Variants in CHORDC1 observed in about 807,000 individuals in gnomAD.
CHORDC1 encodes cysteine and histidine rich domain containing 1.
Under a neutral mutation model 48.3 loss-of-function variants are expected in CHORDC1, and 25 were observed. The ratio of observed to expected loss-of-function variants is 0.52; its 90% CI spans 0.38 to 0.72. The LOEUF is 0.72. Among genes scored for constraint, CHORDC1 ranks in the 30% least tolerant of loss-of-function variants. The probability of loss-of-function intolerance (pLI) is 0.00; values close to 1 mark genes in which losing one functional copy is unlikely to be tolerated. For missense variants in CHORDC1, 317 were observed against 388.7 expected (o/e 0.82, Z 1.55); for synonymous variants, 128 against 126.4 (o/e 1.01, Z -0.09).
At chr11:90,218,248 A>C in intron 1 of CHORDC1, 64 bp from the exon 2 acceptor site, 1 of 1,202,944 alleles carries the variant, frequency 8.3e-7, no homozygotes, top group Non-Finnish European at 1.2e-6. Flanking sequence ...TATATACATG[A>C]TCATCTCCTT....
chr11:90,202,886 T>C lies in CHORDC1; in HGVS notation c.790-11A>G, dbSNP rs1451477427. The C allele has an allele frequency of 6.3e-6, 10 of 1,581,488 alleles. No individual in the cohort carries two copies. In the East Asian group the frequency reaches 1.6e-4, roughly 25 times the overall value. ...AATATGCACATTTAACTGAAAAAGA[T>C]ATACACAGTTAATTGATCTAATTCA... is the stretch of plus-strand genomic sequence containing the variant. On this transcript the variant is annotated splice_polypyrimidine_tract_variant and intron_variant, in intron 9 of 10. Coordinates refer to ENST00000320585, the MANE Select transcript of CHORDC1 (RefSeq NM_012124.3).
intron 5 of CHORDC1, chr11:90,210,974 T>C (rs1322177252): frequency 6.4e-6 from 2 of 310,598 alleles, no homozygotes; most frequent in Non-Finnish European, 1.2e-5. Flanking sequence ...AAAAAAATAA[T>C]GAACCATAAA....
chr11:90,205,062 AT>A (rs1857640947), intron 8 of CHORDC1, among the ~76,000 whole-genome samples: 1 of 151,958 alleles, frequency 6.6e-6, no homozygotes, highest in Non-Finnish European at 1.5e-5. Context: ...GCATCTGTAA[AT>A]GATTGAAGTT....
At chr11:90,212,192 A>C (rs984061397) in intron 4 of CHORDC1, 7 of 152,102 alleles carry the variant, frequency 4.6e-5, no homozygotes, top group African/African-American at 1.2e-4. Context: ...TAGCTCCCCT[A>C]ATCTCCACAT....
At chr11:90,204,648 G>A (rs1417048706) in intron 8 of CHORDC1, among the ~76,000 whole-genome samples, 1 of 151,980 alleles carries the variant, frequency 6.6e-6, no homozygotes, top group Admixed American at 6.5e-5. Flanking sequence ...TTGAACCCGG[G>A]AGGCGGAGGT....
chr11:90,222,878 G>C lies in CHORDC1; in HGVS notation c.64+13C>G. ...GTGGAGGGGAGGGAGGGCTGGCGGCGCGTTCCTCTTACCGTCGGAATTGGT... is the reference window on the plus strand; with the variant it reads ...GTGGAGGGGAGGGAGGGCTGGCGGCCCGTTCCTCTTACCGTCGGAATTGGT... On this transcript the variant is annotated intron_variant, in intron 1 of 10. Coordinates refer to ENST00000320585, the MANE Select transcript of CHORDC1 (RefSeq NM_012124.3). The C allele has an allele frequency of 6.2e-7, 1 of 1,612,696 alleles. No homozygotes were observed. The highest frequency in any genetic ancestry group is 8.5e-7 in the Non-Finnish European group (1 of 1,178,940).
At chr11:90,202,973 G>C in intron 9 of CHORDC1, 98 bp from the exon 10 acceptor site, 11 of 1,371,498 alleles carry the variant, frequency 8.0e-6, no homozygotes, top group Non-Finnish European at 1.1e-5. Context: ...AATGAATTAA[G>C]CTATTTTAAG....
intron 6 of CHORDC1, among the ~76,000 whole-genome samples, chr11:90,209,718 A>T (rs1857808415): frequency 6.6e-6 from 1 of 152,160 alleles, no homozygotes; most frequent in Non-Finnish European, 1.5e-5. Context: ...ACCGCATCCC[A>T]CATTTAATCA....
At chr11:90,203,867 A>G (rs981073256) in intron 8 of CHORDC1, among the ~76,000 whole-genome samples, 1 of 152,188 alleles carries the variant, frequency 6.6e-6, no homozygotes, top group Non-Finnish European at 1.5e-5. Context: ...TTTATTTTCT[A>G]CAAATCAGAA....
chr11:90,204,946 T>A (rs551775475), intron 8 of CHORDC1, among the ~76,000 whole-genome samples: 11 of 152,174 alleles, frequency 7.2e-5, no homozygotes, highest in South Asian at 6.2e-4. Context: ...TGATGCTTTT[T>A]TCCCCCCTTT....
chr11:90,222,098 CTTCT>C (rs1858185667), intron 1 of CHORDC1, among the ~76,000 whole-genome samples: 4 of 152,224 alleles, frequency 2.6e-5, no homozygotes, highest in Non-Finnish European at 4.4e-5. Context: ...AATCATCTCA[CTTCT>C]TTGTCAATCA....
In CHORDC1 at chr11:90,202,184, T is replaced by C. The variant is rs1302263215; in HGVS notation, c.*221A>G. 5.7e-6 allele frequency: 3 copies of C among 523,918 alleles called. No homozygotes were observed. Among genetic ancestry groups the C allele is most frequent in the East Asian group, 3.2e-5 (1 of 30,866 alleles). The allele number at this position is 523,918 out of a possible 1,614,324, so 32.5% of individuals were successfully genotyped here. ...AAGTATAGGACACAACTATGGTTCC[T>C]ACCAGTAGGGAGAAATGAATAATCA... is the stretch of plus-strand genomic sequence containing the variant. On this transcript the variant is annotated 3_prime_UTR_variant, in exon 11 of 11. Transcript: ENST00000320585.
At position 90,213,453 on chromosome 11, in the gene CHORDC1, T is replaced by A. The variant is rs543096287; in HGVS notation, c.329+565A>T. On this transcript the variant is annotated intron_variant, in intron 4 of 10. Coordinates refer to ENST00000320585, the MANE Select transcript of CHORDC1 (RefSeq NM_012124.3). ...AACAAAGGTACTCAATATACATGTG[T>A]GGGAATACAGAGTCTGGTTATCAGA... The A allele has an allele frequency of 7.2e-6, 5 of 691,498 alleles. 1 individual carries two copies. Among genetic ancestry groups the A allele is most frequent in the African/African-American group, 7.0e-5 (4 of 56,896 alleles). 42.8% of individuals were successfully genotyped at this position (691,498 alleles called of 1,614,324 possible). A position where few individuals can be genotyped will look rare whatever the true frequency, so the allele number is the denominator to read the frequency against.
chr11:90,206,973 A>C, intron 6 of CHORDC1: 1 of 344,436 alleles, frequency 2.9e-6, no homozygotes, highest in Admixed American at 4.0e-5. Context: ...TTTCTCCTTA[A>C]GATATTTCAC....
At chr11:90,219,811 C>T (rs1042706966) in intron 1 of CHORDC1, among the ~76,000 whole-genome samples, 2 of 152,184 alleles carry the variant, frequency 1.3e-5, no homozygotes, top group African/African-American at 4.8e-5. Flanking sequence ...AGGGTCTCCA[C>T]GACCAAGCTG....
At chr11:90,210,192 A>T (rs1857821439) in intron 6 of CHORDC1, among the ~76,000 whole-genome samples, 2 of 152,196 alleles carry the variant, frequency 1.3e-5, no homozygotes, top group Admixed American at 6.5e-5. Flanking sequence ...CTGATTTTGT[A>T]ATATCTAACT....
intron 9 of CHORDC1, 152 bp from the exon 10 acceptor site, chr11:90,203,027 CAAA>C (rs1857580069): frequency 9.4e-7 from 1 of 1,061,114 alleles, no homozygotes; most frequent in Non-Finnish European, 1.3e-6. Flanking sequence ...AAGCCACTGA[CAAA>C]AAAGAATAAC....
At chr11:90,210,370 A>G (rs1857826015) in intron 6 of CHORDC1, among the ~76,000 whole-genome samples, 166 bp downstream of exon 6, 3 of 95,174 alleles carry the variant, frequency 3.2e-5, no homozygotes, top group Non-Finnish European at 8.0e-5. Flanking sequence ...TCTACTGGAC[A>G]TGATGCTACT....
intron 1 of CHORDC1, among the ~76,000 whole-genome samples, chr11:90,222,148 C>T (rs1039405131): frequency 1.3e-5 from 2 of 152,216 alleles, no homozygotes; most frequent in Non-Finnish European, 2.9e-5. Flanking sequence ...CGTCCTTCAC[C>T]TAATAGTCAT....
Sources: allele counts gnomAD v4.1 joint callset (sites outside exome capture counted in the v4.1 genomes callset), GRCh38; gene constraint gnomAD v4.1.1; transcripts MANE v1.5; gene names NCBI Gene and HGNC (gene_info 2026-07-23, HGNC 2026-07-21).